Variants in COL12A1 observed in about 807,000 individuals in gnomAD.
COL12A1 encodes collagen type XII alpha 1 chain.
In COL12A1, 114 loss-of-function variants were observed where a neutral mutation model predicts 349.7. The observed-to-expected ratio is 0.33, with a 90% confidence interval of 0.28 to 0.38. COL12A1 has a LOEUF of 0.38. Among genes scored for constraint, COL12A1 ranks in the 10% least tolerant of loss-of-function variants. The probability of loss-of-function intolerance (pLI) is 1.00; values close to 1 mark genes in which losing one functional copy is unlikely to be tolerated. For missense variants in COL12A1, 3,284 were observed against 3,756.9 expected (o/e 0.87, Z 3.29); for synonymous variants, 1,369 against 1,329.0 (o/e 1.03, Z -0.66).
rs149800998 is a variant in COL12A1 at position 75,198,791 on chromosome 6, G to A, written c.74-3844C>T. 5.3e-3 allele frequency among the ~76,000 whole-genome samples: 799 copies of A among 152,182 alleles called. 3 individuals are homozygous for A. Among genetic ancestry groups the A allele is most frequent in the Non-Finnish European group, 8.5e-3 (575 of 68,002 alleles). ...AAGTTTTGGTAAGTATACATAATGC[G>A]CTATAGATATATCAAAACTAAGAAT... On this transcript the variant is annotated intron_variant, in intron 2 of 65. Transcript: ENST00000322507.
Position 75,116,008 on chromosome 6 carries a change from T to C in COL12A1, c.7558+11A>G, listed in dbSNP as rs765587523. 2 of 1,613,392 alleles carry C rather than the reference T, an allele frequency of 1.2e-6. No individual in the cohort carries two copies. Among genetic ancestry groups the C allele is most frequent in the Non-Finnish European group, 1.7e-6 (2 of 1,179,624 alleles). ...CTGGAAATTAATTTGCCCCAAAGTA[T>C]AAATGCTTACCTGGTGAGGTGTAGC... On this transcript the variant is annotated intron_variant, in intron 48 of 65. Transcript: ENST00000322507.
At position 75,147,775 on chromosome 6, in the gene COL12A1, T is replaced by C. The variant is rs749367997; in HGVS notation, c.4317A>G (p.Thr1439=). The C allele has an allele frequency of 5.0e-6, 8 of 1,613,256 alleles. No homozygotes were observed. Among genetic ancestry groups the C allele is most frequent in the South Asian group, 1.1e-5 (1 of 90,996 alleles). Residue 1439 remains threonine, a synonymous_variant, in exon 23 of 66, where the codon ACA becomes ACG. Coordinates refer to ENST00000322507, the MANE Select transcript of COL12A1 (RefSeq NM_004370.6). ...EFYVSRMETS[T]VLKDLKPETE... is the part of the protein sequence containing the mutation. Reference sequence around the variant, plus strand: ...TTTCAGGTTTCAGATCTTTCAGCACTGTGCTAGTTTCCATTCGACTCACAT... The same window carrying C: ...TTTCAGGTTTCAGATCTTTCAGCACCGTGCTAGTTTCCATTCGACTCACAT...
Position 75,125,014 on chromosome 6 carries a change from C to T in COL12A1, c.6607+113G>A, listed in dbSNP as rs202180105. ...TCTAACCAGACACAAAATAGCCTGCCTACATAATGCTGAGGAAACATGTAT... is the reference window on the plus strand; with the variant it reads ...TCTAACCAGACACAAAATAGCCTGCTTACATAATGCTGAGGAAACATGTAT... On this transcript the variant is annotated intron_variant, in intron 40 of 65. Transcript: ENST00000322507. 420 of 955,520 alleles carry T rather than the reference C, an allele frequency of 4.4e-4. 10 individuals are homozygous for T. The East Asian group carries it at 0.012, about 28-fold the overall frequency. 59.2% of individuals were successfully genotyped at this position (955,520 alleles called of 1,614,324 possible). A position where few individuals can be genotyped will look rare whatever the true frequency, so the allele number is the denominator to read the frequency against.
chr6:75,134,769 A>G lies in COL12A1; in HGVS notation c.5481T>C (p.Tyr1827=), dbSNP rs1343120313. Residue 1827 remains tyrosine (Y), a synonymous_variant, in exon 32 of 66, where the codon TAT becomes TAC. Coordinates refer to ENST00000322507, the MANE Select transcript of COL12A1 (RefSeq NM_004370.6). The part of the protein sequence containing the change: ...TPYTITVSSL[Y]PDGEGGRMTG... ...TCATCCGACCTCCTTCACCATCAGG[A>G]TACAGAGAGGATACGGTGATAGTGT... 1 of 1,612,538 alleles carries G rather than the reference A, an allele frequency of 6.2e-7. No homozygotes were observed. The highest frequency in any genetic ancestry group is 1.3e-5 in the African/African-American group (1 of 74,894).
intron 38 of COL12A1, 24 bp from the exon 39 acceptor site, chr6:75,126,494 T>C: frequency 6.2e-7 from 1 of 1,602,826 alleles, no homozygotes; most frequent in Non-Finnish European, 8.5e-7. Flanking sequence ...TTGACACACA[T>C]TACTGACCTT....
chr6:75,183,656 T>G lies in COL12A1; in HGVS notation c.1289-4A>C. On this transcript the variant is annotated splice_polypyrimidine_tract_variant and splice_region_variant and intron_variant, in intron 9 of 65. Coordinates refer to ENST00000322507, the MANE Select transcript of COL12A1 (RefSeq NM_004370.6). ...ATATCCACACCACGTGAGCATTCTGTAAAGAGAAAAAAAGTACATTAAACT... is the reference window on the plus strand; with the variant it reads ...ATATCCACACCACGTGAGCATTCTGGAAAGAGAAAAAAAGTACATTAAACT... 1.3e-6 allele frequency: 2 copies of G among 1,586,032 alleles called. No homozygotes were observed. The highest frequency in any genetic ancestry group is 2.3e-5 in the South Asian group (2 of 85,460).
Position 75,130,976 on chromosome 6 carries a change from T to C in COL12A1, c.5943A>G (p.Val1981=), listed in dbSNP as rs2149383950. 6 of 1,614,172 alleles carry C rather than the reference T, an allele frequency of 3.7e-6. No individual in the cohort carries two copies. The highest frequency in any genetic ancestry group is 4.2e-6 in the Non-Finnish European group (5 of 1,180,000). ...GCACCATGCGCGTGTTTCCTGGCAC[T>C]ACTATCTGCAGGAGAGGAAATGCCA... ...VDGTRPSESI[V]VPGNTRMVHL... Residue 1981 remains valine (V), a synonymous_variant, in exon 36 of 66, where the codon GTA becomes GTG. Transcript: ENST00000322507.
At chr6:75,187,157 AAT>A (rs35075147) in intron 8 of COL12A1, among the ~76,000 whole-genome samples, 120,239 of 143,314 alleles carry the variant, frequency 0.84, 51,206 homozygotes, top group Non-Finnish European at 0.92. Flanking sequence ...AAAATAAATA[AAT>A]ATATATATAT....
chr6:75,136,059 T>C (rs1766591366), intron 31 of COL12A1, among the ~76,000 whole-genome samples: 1 of 152,120 alleles, frequency 6.6e-6, no homozygotes, highest in African/African-American at 2.4e-5. Flanking sequence ...GAAGATAAGT[T>C]TACGAGACTC....
chr6:75,133,202 T>A (rs1162361079), intron 34 of COL12A1, 91 bp downstream of exon 34: 1 of 1,191,678 alleles, frequency 8.4e-7, no homozygotes, highest in Non-Finnish European at 1.1e-6. Context: ...CACACCAAAC[T>A]TTCCTAATTC....
intron 2 of COL12A1, among the ~76,000 whole-genome samples, chr6:75,198,514 T>G (rs939449478): frequency 2.6e-5 from 4 of 151,704 alleles, no homozygotes; most frequent in African/African-American, 9.7e-5. Flanking sequence ...ATTATACATA[T>G]ATACATAAAT....
At chr6:75,161,810 T>G (rs1224341517) in intron 14 of COL12A1, among the ~76,000 whole-genome samples, 2 of 152,190 alleles carry the variant, frequency 1.3e-5, no homozygotes, top group African/African-American at 2.4e-5. Flanking sequence ...CAGCAAAGTC[T>G]CAGGATACAA....
chr6:75,134,906 C>G (rs1766509209), intron 31 of COL12A1, 51 bp from the exon 32 acceptor site: 1 of 1,568,422 alleles, frequency 6.4e-7, no homozygotes, highest in South Asian at 1.2e-5. Context: ...CTCCATCTCA[C>G]TAATCTGTTA....
intron 27 of COL12A1, among the ~76,000 whole-genome samples, chr6:75,141,478 A>AC (rs1437922967): frequency 3.3e-5 from 5 of 152,154 alleles, no homozygotes; most frequent in Non-Finnish European, 5.9e-5. Context: ...ATCCCCCAGC[A>AC]CTCCACTTAC....
Position 75,085,197 on chromosome 6 carries a change from C to G in COL12A1, c.*1350G>C, listed in dbSNP as rs760296025. 31 of 467,132 alleles carry G rather than the reference C, an allele frequency of 6.6e-5. 1 individual carries two copies. Among genetic ancestry groups the G allele is most frequent in the South Asian group, 4.8e-4 (31 of 64,432 alleles). The allele number at this position is 467,132 out of a possible 1,614,324, so 28.9% of individuals were successfully genotyped here. A position where few individuals can be genotyped will look rare whatever the true frequency, so the allele number is the denominator to read the frequency against. On this transcript the variant is annotated 3_prime_UTR_variant, in exon 66 of 66. Coordinates refer to ENST00000322507, the MANE Select transcript of COL12A1 (RefSeq NM_004370.6). ...CGGCGCGTGATCTCTGGTTCACTGC[C>G]CGGGTCCGTGGGGCAGGGCGCGCCG... is the stretch of plus-strand genomic sequence containing the variant.
At chr6:75,184,440 C>A (rs1769499156) in intron 8 of COL12A1, among the ~76,000 whole-genome samples, 1 of 152,182 alleles carries the variant, frequency 6.6e-6, no homozygotes, top group Non-Finnish European at 1.5e-5. Context: ...GATTTCCATT[C>A]TGGTTTTGGT....
At chr6:75,106,375 G>A (rs768959802) in intron 53 of COL12A1, 44 bp downstream of exon 53, 2 of 1,504,028 alleles carry the variant, frequency 1.3e-6, no homozygotes, top group Admixed American at 1.7e-5. Flanking sequence ...TTATTACTGG[G>A]GGACTGTTAA....
intron 44 of COL12A1, among the ~76,000 whole-genome samples, chr6:75,120,256 T>C (rs1052764335): frequency 2.0e-5 from 3 of 151,936 alleles, no homozygotes; most frequent in Admixed American, 1.3e-4. Flanking sequence ...ATAACTAGGG[T>C]GAATTTTTAC....
Position 75,085,712 on chromosome 6 carries a change from T to TTGGAA in COL12A1, c.*834_*835insTTCCA, listed in dbSNP as rs1767455934. 4.5e-6 allele frequency: 1 copy of TTGGAA among 220,000 alleles called. No homozygotes were observed. The highest frequency in any genetic ancestry group is 9.5e-6 in the Non-Finnish European group (1 of 105,814). The allele number at this position is 220,000 out of a possible 1,614,324, so 13.6% of individuals were successfully genotyped here. Reference sequence around the variant, plus strand: ...TGTTTATGCCTTCAAACTCCTCAATTCAAAGAACAACTTGGAAAGATGAGG... The same window carrying TTGGAA: ...TGTTTATGCCTTCAAACTCCTCAATTTGGAACAAAGAACAACTTGGAAAGATGAGG... On this transcript the variant is annotated 3_prime_UTR_variant, in exon 66 of 66. Transcript: ENST00000322507.
Sources: gnomAD v4.1 joint callset for allele counts (sites outside exome capture counted in the v4.1 genomes callset) on GRCh38, gnomAD v4.1.1 for gene constraint, MANE v1.5 for transcripts, NCBI Gene and HGNC (gene_info 2026-07-23, HGNC 2026-07-21) for gene names.